CEP85L: variants seen among roughly 807,000 people sequenced by gnomAD.
The protein encoded by CEP85L is centrosomal protein 85L, also known as centrosomal protein of 85 kDa-like.
A neutral mutation model predicts 100.3 loss-of-function variants in CEP85L; 60 were observed. That is an observed-to-expected ratio of 0.60 (90% CI 0.49 to 0.74). The LOEUF (loss-of-function observed/expected upper bound fraction) is 0.74. CEP85L is among the 30% of genes least tolerant of loss of function. The pLI is 0.00. For missense variants in CEP85L, 973 were observed against 936.2 expected, an observed-to-expected ratio of 1.04 and a Z score of -0.51; for synonymous variants, 319 against 322.7, an observed-to-expected ratio of 0.99 and a Z score of 0.12.
At chr6:118,488,528 G>C (rs755709204) in intron 6 of CEP85L, among the ~76,000 whole-genome samples, 52 of 152,130 alleles carry the variant, frequency 3.4e-4, no homozygotes, top group Middle Eastern at 3.4e-3. Flanking sequence ...AAGAAAGCTT[G>C]AGAAACTTAA....
At chr6:118,563,204 T>C (rs1477810619) in intron 3 of CEP85L, among the ~76,000 whole-genome samples, 1 of 152,124 alleles carries the variant, frequency 6.6e-6, no homozygotes, top group Non-Finnish European at 1.5e-5. Context: ...AGGAAAATGA[T>C]TCAGAGTACT....
chr6:118,517,995 G>A (rs144403330), intron 4 of CEP85L, among the ~76,000 whole-genome samples: 336 of 152,266 alleles, frequency 2.2e-3, no homozygotes, highest in African/African-American at 7.3e-3. Context: ...AGATAATCGT[G>A]TTGTTTTTGT....
At chr6:118,594,284 T>C (rs762711182) in intron 2 of CEP85L, among the ~76,000 whole-genome samples, 2 of 152,196 alleles carry the variant, frequency 1.3e-5, no homozygotes, top group Non-Finnish European at 2.9e-5. Flanking sequence ...TGATAACTTG[T>C]TTCTTCCTTT....
In CEP85L at chr6:118,632,218, T is replaced by A. The variant is rs1774210727; in HGVS notation, c.232+235A>T. Among the ~76,000 whole-genome samples the A allele has an allele frequency of 2.0e-5, 3 of 152,180 alleles. No homozygotes were observed. The South Asian group carries it at 6.2e-4, about 32-fold the overall frequency. Reference sequence around the variant, plus strand: ...ATTAGACAAGATGGTCTCGATCTCCTGACCTCGTGATCCGCCCACCTCAGC... The same window carrying A: ...ATTAGACAAGATGGTCTCGATCTCCAGACCTCGTGATCCGCCCACCTCAGC... On this transcript the variant is annotated intron_variant, in intron 2 of 12. Coordinates refer to ENST00000368491, the MANE Select transcript of CEP85L (RefSeq NM_001042475.3).
At chr6:118,559,363 A>G (rs978006218) in intron 3 of CEP85L, 4 of 407,614 alleles carry the variant, frequency 9.8e-6, no homozygotes, top group African/African-American at 6.2e-5. Context: ...TTCTATCCCA[A>G]ATCTTTTCTG....
chr6:118,631,154 G>GC (rs1774120436), intron 2 of CEP85L, among the ~76,000 whole-genome samples: 1 of 152,142 alleles, frequency 6.6e-6, no homozygotes, highest in Non-Finnish European at 1.5e-5. Flanking sequence ...AGGAGGCTGT[G>GC]CATGTGTGGG....
chr6:118,537,442 T>A, intron 3 of CEP85L: 1 of 896,716 alleles, frequency 1.1e-6, no homozygotes, highest in Non-Finnish European at 1.3e-6. Context: ...AAAATGCATA[T>A]GACACACTGT....
intron 5 of CEP85L, among the ~76,000 whole-genome samples, chr6:118,503,831 C>CAAAA (rs71012390): frequency 0.01 from 1,320 of 126,920 alleles, 29 homozygotes; most frequent in African/African-American, 0.032. Context: ...TATAAAACTC[C>CAAAA]AAAAAAAAAA....
chr6:118,515,601 A>G (rs1424697734), intron 4 of CEP85L, among the ~76,000 whole-genome samples: 1 of 152,226 alleles, frequency 6.6e-6, no homozygotes, highest in Non-Finnish European at 1.5e-5. Flanking sequence ...ATTCTAGAAA[A>G]TCCTGAAGTA....
At chr6:118,587,359 A>T (rs1780923214) in intron 2 of CEP85L, among the ~76,000 whole-genome samples, 5 of 152,220 alleles carry the variant, frequency 3.3e-5, no homozygotes, top group Admixed American at 2.6e-4. Flanking sequence ...ATGGAGTAAT[A>T]GCAAATGCCT....
chr6:118,688,383 C>T (rs1405276670), intron 1 of CEP85L, among the ~76,000 whole-genome samples: 1 of 152,082 alleles, frequency 6.6e-6, no homozygotes, highest in Non-Finnish European at 1.5e-5. Context: ...GGGGCAGGTA[C>T]TTTGTTTATC....
upstream of CEP85L, chr6:118,652,923 G>A: frequency 1.9e-6 from 1 of 534,654 alleles, no homozygotes; most frequent in Non-Finnish European, 3.3e-6. Flanking sequence ...ATTTTTTTAA[G>A]TCCCAAAAAG....
At chr6:118,652,840 A>G (rs923437515), upstream of CEP85L, 1 of 889,438 alleles carries the variant, frequency 1.1e-6, no homozygotes. Context: ...AACATGAAAG[A>G]CGAATGTGAT....
intron 1 of CEP85L, among the ~76,000 whole-genome samples, chr6:118,649,379 G>T (rs180733925): frequency 6.6e-6 from 1 of 152,228 alleles, no homozygotes; most frequent in East Asian, 1.9e-4. Flanking sequence ...ATTATTCTAT[G>T]CCATAGCAAA....
At chr6:118,501,829 AG>A (rs1775324105) in intron 5 of CEP85L, 2 of 1,272,038 alleles carry the variant, frequency 1.6e-6, no homozygotes, top group South Asian at 1.2e-5. Flanking sequence ...AGAGAGAGAG[AG>A]AGGACTCTGG....
intron 3 of CEP85L, among the ~76,000 whole-genome samples, chr6:118,544,914 T>G (rs1778107307): frequency 6.6e-6 from 1 of 152,168 alleles, no homozygotes. Context: ...ATTCGCAGTT[T>G]TGCTTAGATG....
At chr6:118,573,023 T>C (rs1221758108) in intron 2 of CEP85L, among the ~76,000 whole-genome samples, 1 of 152,140 alleles carries the variant, frequency 6.6e-6, no homozygotes, top group Non-Finnish European at 1.5e-5. Flanking sequence ...GACTGTGCCA[T>C]TGCACTCCAG....
chr6:118,500,375 A>G (rs181645371), intron 5 of CEP85L, among the ~76,000 whole-genome samples: 2 of 133,056 alleles, frequency 1.5e-5, no homozygotes, highest in Admixed American at 1.5e-4. Context: ...CTCACACTGC[A>G]CCTGCTGCTA....
intron 2 of CEP85L, among the ~76,000 whole-genome samples, chr6:118,610,418 G>T (rs1772532329): frequency 6.6e-6 from 1 of 152,134 alleles, no homozygotes. Context: ...CAGCAATATG[G>T]TGACACCTCT....
Sources: gnomAD v4.1 joint callset for allele counts (sites outside exome capture counted in the v4.1 genomes callset) on GRCh38, gnomAD v4.1.1 for gene constraint, MANE v1.5 for transcripts, NCBI Gene and HGNC (gene_info 2026-07-23, HGNC 2026-07-21) for gene names.